Variants in RBL1 observed in about 807,000 individuals in gnomAD.
RBL1 encodes retinoblastoma-like protein 1.
A neutral mutation model predicts 123.0 loss-of-function variants in RBL1; 82 were observed. That is an observed-to-expected ratio of 0.67 (90% confidence interval 0.56 to 0.80). RBL1 has a LOEUF of 0.80. RBL1 is among the 30% of genes least tolerant of loss of function. RBL1 has a pLI of 0.00. For missense variants in RBL1, 1,171 were observed against 1,299.6 expected (o/e 0.90, Z 1.52); for synonymous variants, 405 against 441.3 (o/e 0.92, Z 1.03).
chr20:37,066,942 C>CT, intron 5 of RBL1, 51 bp downstream of exon 5: 1 of 1,594,518 alleles, frequency 6.3e-7, no homozygotes, highest in Non-Finnish European at 8.5e-7. Context: ...TTTTAAAAAT[C>CT]TTTTTCCAAA....
At chr20:37,086,128 AAAG>A (rs2065541931) in intron 2 of RBL1, among the ~76,000 whole-genome samples, 1 of 152,154 alleles carries the variant, frequency 6.6e-6, no homozygotes, top group South Asian at 2.1e-4. Flanking sequence ...CTGTCATTAC[AAAG>A]ATTTTTGAAA....
chr20:37,025,591 T>C (rs888296001), intron 16 of RBL1, among the ~76,000 whole-genome samples: 2 of 152,132 alleles, frequency 1.3e-5, no homozygotes, highest in Non-Finnish European at 2.9e-5. Context: ...TTGGTGTATG[T>C]AACTTCTAGG....
chr20:37,025,230 A>G (rs1422817382), intron 16 of RBL1, among the ~76,000 whole-genome samples: 3 of 152,162 alleles, frequency 2.0e-5, no homozygotes, highest in African/African-American at 7.2e-5. Context: ...TGCCCCTTTG[A>G]AAATTCTGCC....
At chr20:37,004,907 G>A (rs941414588) in intron 20 of RBL1, among the ~76,000 whole-genome samples, 10 of 151,566 alleles carry the variant, frequency 6.6e-5, no homozygotes, top group Admixed American at 6.6e-5. Context: ...GCCAGGTGTG[G>A]TGGCGTGCGC....
chr20:37,032,415 GA>G (rs1404375142), intron 16 of RBL1, among the ~76,000 whole-genome samples: 1 of 152,126 alleles, frequency 6.6e-6, no homozygotes, highest in Non-Finnish European at 1.5e-5. Context: ...AGAAGCTGGG[GA>G]AAGGGAGAAA....
At chr20:37,021,078 TTAAAAG>T (rs2064333939) in intron 17 of RBL1, among the ~76,000 whole-genome samples, 1 of 152,222 alleles carries the variant, frequency 6.6e-6, no homozygotes, top group Non-Finnish European at 1.5e-5. Context: ...AAGTACTTAC[TTAAAAG>T]TAAATTAACC....
intron 11 of RBL1, 80 bp from the exon 12 acceptor site, chr20:37,047,270 C>A: frequency 6.7e-7 from 1 of 1,487,348 alleles, no homozygotes; most frequent in Non-Finnish European, 9.0e-7. Context: ...CCTATAAAAA[C>A]AAGAAAAAAT....
chr20:37,095,938 C>T lies in RBL1; in HGVS notation c.-10G>A. 1 of 1,533,566 alleles carries T rather than the reference C, an allele frequency of 6.5e-7. No homozygotes were observed. Among genetic ancestry groups the T allele is most frequent in the South Asian group, 1.2e-5 (1 of 83,778 alleles). 95.0% of individuals were successfully genotyped at this position (1,533,566 alleles called of 1,614,324 possible). On this transcript the variant is annotated 5_prime_UTR_variant, in exon 1 of 22. Coordinates refer to ENST00000373664, the MANE Select transcript of RBL1 (RefSeq NM_002895.5). Reference sequence around the variant, plus strand: ...GCTTGTCCTCGAACATCCCTTCAGGCCCCGCGGGCTGCGCGCCACGGCCCC... The same window carrying T: ...GCTTGTCCTCGAACATCCCTTCAGGTCCCGCGGGCTGCGCGCCACGGCCCC...
intron 2 of RBL1, among the ~76,000 whole-genome samples, chr20:37,082,562 C>T (rs2065469981): frequency 6.6e-6 from 1 of 152,048 alleles, no homozygotes; most frequent in South Asian, 2.1e-4. Context: ...ATTCAACCAA[C>T]CACACATCAA....
At chr20:37,083,653 A>AAG in intron 2 of RBL1, among the ~76,000 whole-genome samples, 1 of 147,160 alleles carries the variant, frequency 6.8e-6, no homozygotes, top group Middle Eastern at 3.5e-3. Flanking sequence ...AAAAAAAAAA[A>AAG]ATACAGGTGG....
intron 7 of RBL1, 128 bp downstream of exon 7, chr20:37,065,296 C>T (rs935613991): frequency 4.8e-6 from 3 of 630,500 alleles, no homozygotes; most frequent in South Asian, 2.7e-5. Flanking sequence ...CATTCAATGC[C>T]ACTAAAGCAG....
intron 1 of RBL1, among the ~76,000 whole-genome samples, chr20:37,090,908 G>A (rs1048910608): frequency 6.6e-6 from 1 of 152,110 alleles, no homozygotes; most frequent in Admixed American, 6.6e-5. Flanking sequence ...TAGTAAGCAC[G>A]GCTCTTTATA....
In RBL1 at chr20:37,056,172, G is replaced by C. The variant is rs762080021; in HGVS notation, c.1337C>G (p.Thr446Arg). 6.2e-7 allele frequency: 1 copy of C among 1,609,448 alleles called. No homozygotes were observed. The highest frequency in any genetic ancestry group is 1.1e-5 in the South Asian group (1 of 90,330). ...ETFCQHYTQSTDEQPGSHIDF... is the reference protein window; with the variant it reads ...ETFCQHYTQSRDEQPGSHIDF... ...TATGTGAGATCCTGGCTGTTCATCTGTTGATTGAGTATAGTGTTGACAGAA... is the reference window on the plus strand; with the variant it reads ...TATGTGAGATCCTGGCTGTTCATCTCTTGATTGAGTATAGTGTTGACAGAA... The change falls in exon 10 of 22, where the codon ACA (threonine) becomes AGA (arginine). Residue 446 changes from threonine (T) to arginine (R), a missense_variant. By Grantham distance (71) the Thr-to-Arg change is moderately conservative. Transcript: ENST00000373664.
At chr20:37,045,492 C>A (rs995895815) in intron 12 of RBL1, among the ~76,000 whole-genome samples, 1 of 151,894 alleles carries the variant, frequency 6.6e-6, no homozygotes, top group African/African-American at 2.4e-5. Context: ...GTGGCTCATG[C>A]CTGTAATCCC....
chr20:37,027,848 G>C (rs547264394), intron 16 of RBL1, among the ~76,000 whole-genome samples: 1 of 152,250 alleles, frequency 6.6e-6, no homozygotes, highest in African/African-American at 2.4e-5. Flanking sequence ...TCGAAATCAT[G>C]GGCTCATGTT....
At chr20:37,084,034 G>A (rs1274370672) in intron 2 of RBL1, among the ~76,000 whole-genome samples, 8 of 149,962 alleles carry the variant, frequency 5.3e-5, no homozygotes, top group East Asian at 2.0e-4. Context: ...TCAGCCTCCC[G>A]AGTAGCTGGG....
intron 9 of RBL1, among the ~76,000 whole-genome samples, chr20:37,056,841 T>G (rs763023663): frequency 6.6e-6 from 1 of 152,226 alleles, no homozygotes; most frequent in Non-Finnish European, 1.5e-5. Context: ...ATGTACCTTA[T>G]ATGAGTGGAA....
At chr20:37,067,323 T>A (rs151101117) in intron 3 of RBL1, 26 bp from the exon 4 acceptor site, 1 of 1,525,770 alleles carries the variant, frequency 6.6e-7, no homozygotes, top group East Asian at 2.3e-5. Context: ...AATTACTTTT[T>A]GTCTGACTAG....
At chr20:37,075,614 C>A (rs539008251) in intron 2 of RBL1, among the ~76,000 whole-genome samples, 129 of 152,226 alleles carry the variant, frequency 8.5e-4, no homozygotes, top group African/African-American at 2.9e-3. Flanking sequence ...TGCCACCACA[C>A]CTGACTAATT....
Sources: allele counts gnomAD v4.1 joint callset (sites outside exome capture counted in the v4.1 genomes callset), GRCh38; gene constraint gnomAD v4.1.1; transcripts MANE v1.5; gene names NCBI Gene and HGNC (gene_info 2026-07-23, HGNC 2026-07-21).